Variants in RETREG1 observed in about 807,000 individuals in gnomAD.
The protein encoded by RETREG1 is reticulophagy regulator 1.
A neutral mutation model predicts 54.8 loss-of-function variants in RETREG1; 44 were observed. That is an observed-to-expected ratio of 0.80 (90% CI 0.63 to 1.03). RETREG1 has a LOEUF of 1.03. Among genes scored for constraint, RETREG1 ranks in the 50% least tolerant of loss-of-function variants. The pLI is 0.00. For missense variants in RETREG1, 554 were observed against 605.1 expected, an observed-to-expected ratio of 0.92 and a Z score of 0.89; for synonymous variants, 217 against 238.5, an observed-to-expected ratio of 0.91 and a Z score of 0.83.
chr5:16,542,248 G>T (rs922202427), intron 3 of RETREG1, among the ~76,000 whole-genome samples: 1 of 152,226 alleles, frequency 6.6e-6, no homozygotes, highest in Non-Finnish European at 1.5e-5. Context: ...GTAAAGGCAG[G>T]AGCTTTAATG....
chr5:16,483,563 T>C (rs1483312418), intron 3 of RETREG1, 91 bp from the exon 4 acceptor site: 1 of 1,367,316 alleles, frequency 7.3e-7, no homozygotes, highest in Non-Finnish European at 1.0e-6. Flanking sequence ...GAGCATCTAC[T>C]GTTGGCCACA....
At chr5:16,592,182 A>G (rs1218756087) in intron 1 of RETREG1, among the ~76,000 whole-genome samples, 3 of 152,240 alleles carry the variant, frequency 2.0e-5, no homozygotes, top group African/African-American at 7.2e-5. Flanking sequence ...GTACCAAAAA[A>G]GAATGAACTA....
intron 3 of RETREG1, among the ~76,000 whole-genome samples, chr5:16,490,644 A>C (rs1739206912): frequency 6.6e-6 from 1 of 152,242 alleles, no homozygotes; most frequent in Non-Finnish European, 1.5e-5. Context: ...CCTGTTCAAC[A>C]GATTGAGAAA....
chr5:16,527,089 C>T (rs532041383), intron 3 of RETREG1, among the ~76,000 whole-genome samples: 2 of 152,356 alleles, frequency 1.3e-5, no homozygotes, highest in Admixed American at 1.3e-4. Flanking sequence ...TCCAGTGCTG[C>T]TTCCTTTACC....
intron 3 of RETREG1, among the ~76,000 whole-genome samples, chr5:16,496,547 C>T (rs1739465817): frequency 6.6e-6 from 1 of 152,200 alleles, no homozygotes; most frequent in Non-Finnish European, 1.5e-5. Context: ...GCCATGCCTA[C>T]CTGCAAGAGA....
intron 1 of RETREG1, among the ~76,000 whole-genome samples, chr5:16,573,668 G>C (rs1301438101): frequency 6.6e-6 from 1 of 150,914 alleles, no homozygotes; most frequent in East Asian, 1.9e-4. Context: ...CACAGGGAGA[G>C]GGAGGATGGA....
chr5:16,489,108 A>AAAAAAAAAAAAAT (rs1739149142), intron 3 of RETREG1, among the ~76,000 whole-genome samples: 1 of 150,456 alleles, frequency 6.6e-6, no homozygotes. Context: ...AAAAAAAAAA[A>AAAAAAAAAAAAAT]AAAAAAAGCA....
rs532522962 is a variant in RETREG1 at position 16,604,162 on chromosome 5, G to A, written c.320+12490C>T. Reference sequence around the variant, plus strand: ...CTCTGTCTTCTAGAAGCAGAGGGAAGAAGTCATATTGAATTACGCTCTGAT... The same window carrying A: ...CTCTGTCTTCTAGAAGCAGAGGGAAAAAGTCATATTGAATTACGCTCTGAT... On this transcript the variant is annotated intron_variant, in intron 1 of 8. Transcript: ENST00000306320. Among the ~76,000 whole-genome samples, 13 of 152,328 alleles carry A rather than the reference G, an allele frequency of 8.5e-5. No homozygotes were observed. The South Asian group carries it at 2.7e-3, about 32-fold the overall frequency.
intron 1 of RETREG1, among the ~76,000 whole-genome samples, chr5:16,591,328 C>T (rs549658931): frequency 3.3e-5 from 5 of 151,860 alleles, no homozygotes; most frequent in African/African-American, 9.7e-5. Context: ...GAATCAATCA[C>T]TAAAACATAA....
intron 1 of RETREG1, among the ~76,000 whole-genome samples, chr5:16,608,745 C>CA (rs1230733220): frequency 2.6e-5 from 4 of 152,162 alleles, no homozygotes; most frequent in Non-Finnish European, 4.4e-5. Flanking sequence ...ACCGACTACT[C>CA]AGACGGAACA....
chr5:16,580,553 C>T (rs546854361), intron 1 of RETREG1, among the ~76,000 whole-genome samples: 2 of 152,288 alleles, frequency 1.3e-5, no homozygotes, highest in South Asian at 4.1e-4. Flanking sequence ...CCAGGGTTAC[C>T]TTGCTGATCT....
At chr5:16,487,842 C>T (rs1216625282) in intron 3 of RETREG1, among the ~76,000 whole-genome samples, 1 of 152,238 alleles carries the variant, frequency 6.6e-6, no homozygotes, top group Non-Finnish European at 1.5e-5. Flanking sequence ...GGAGCTTTGG[C>T]TTCTCAGTAG....
chr5:16,500,660 C>T (rs944926894), intron 3 of RETREG1, among the ~76,000 whole-genome samples: 2 of 152,170 alleles, frequency 1.3e-5, no homozygotes, highest in Admixed American at 1.3e-4. Context: ...TGAAATTCTC[C>T]GTGTGGGTAC....
intron 3 of RETREG1, among the ~76,000 whole-genome samples, chr5:16,499,575 A>C (rs1171742891): frequency 6.6e-6 from 1 of 152,214 alleles, no homozygotes; most frequent in African/African-American, 2.4e-5. Context: ...CCAAACTATC[A>C]CCAGGCGATG....
intron 5 of RETREG1, among the ~76,000 whole-genome samples, chr5:16,480,470 A>C (rs1318008115): frequency 6.6e-6 from 1 of 152,082 alleles, no homozygotes; most frequent in East Asian, 1.9e-4. Context: ...CTTTTGGGTA[A>C]GTACCTAGTT....
Position 16,585,738 on chromosome 5 carries a change from G to A in RETREG1, c.321-13636C>T, listed in dbSNP as rs533080626. 2.0e-5 allele frequency among the ~76,000 whole-genome samples: 3 copies of A among 152,268 alleles called. No homozygotes were observed. The highest frequency in any genetic ancestry group is 3.4e-3 in the Middle Eastern group (1 of 292). The stretch of plus-strand genomic sequence containing the variant: ...GGAAGCATGGGGTCAGCATCTGCTC[G>A]GCTTCTCATGAGGCCTCAGAAAGCT... On this transcript the variant is annotated intron_variant, in intron 1 of 8. Coordinates refer to ENST00000306320, the MANE Select transcript of RETREG1 (RefSeq NM_001034850.3). The surrounding 1 kb of genome is among the most constrained non-coding windows in gnomAD (Gnocchi z 4.5).
intron 3 of RETREG1, among the ~76,000 whole-genome samples, chr5:16,510,037 A>G (rs1426424214): frequency 3.9e-5 from 6 of 152,222 alleles, no homozygotes; most frequent in Non-Finnish European, 8.8e-5. Context: ...ATAAAAAAAT[A>G]AAAATCTGTG....
rs11750415 is a variant in RETREG1, at chr5:16,599,067, G to A, written c.320+17585C>T. ...ACAAAAAATTTTAAAAATTAGCTGA[G>A]TGTGGTGGCACAGACCTGTAGTCCC... On this transcript the variant is annotated intron_variant, in intron 1 of 8. Transcript: ENST00000306320. Among the ~76,000 whole-genome samples the A allele has an allele frequency of 4.4e-3, 672 of 152,244 alleles. 4 individuals carry two copies. Among genetic ancestry groups the A allele is most frequent in the Non-Finnish European group, 7.1e-3 (483 of 68,018 alleles).
chr5:16,543,068 T>C (rs1171179843), intron 3 of RETREG1, among the ~76,000 whole-genome samples: 1 of 152,218 alleles, frequency 6.6e-6, no homozygotes, highest in African/African-American at 2.4e-5. Context: ...TAGAATTTCA[T>C]ACAAATGGAA....
Sources: allele counts gnomAD v4.1 joint callset (sites outside exome capture counted in the v4.1 genomes callset), GRCh38; gene constraint gnomAD v4.1.1; non-coding constraint Gnocchi (gnomAD v3.1); transcripts MANE v1.5; gene names NCBI Gene and HGNC (gene_info 2026-07-23, HGNC 2026-07-21).